The following PCNX3 variants were observed in gnomAD, a reference collection of about 807,000 sequenced individuals.
PCNX3 encodes the protein pecanex 3.
In PCNX3, 58 loss-of-function variants were observed where a neutral mutation model predicts 207.2. The observed-to-expected ratio is 0.28, with a 90% CI of 0.23 to 0.35. PCNX3 has a LOEUF of 0.35. Ranked by LOEUF, PCNX3 falls within the 10% of genes least tolerant of loss-of-function variation. The probability of loss-of-function intolerance (pLI) is 1.00; values close to 1 mark genes in which losing one functional copy is unlikely to be tolerated. For synonymous variants in PCNX3, 1,337 were observed against 1,183.5 expected (o/e 1.13, Z -2.66); for missense variants, 2,410 against 2,774.4 (o/e 0.87, Z 2.95).
Position 65,617,173 on chromosome 11 carries a change from G to A in PCNX3, c.342-77G>A. ...TTGTAAAGTGACTTCTGAAAAAGAA[G>A]CAGTGACAAAGATGGGAGGAAGTAG... On this transcript the variant is annotated intron_variant, in intron 2 of 34. Transcript: ENST00000355703. 2.8e-6 allele frequency: 4 copies of A among 1,442,936 alleles called. No individual in the cohort carries two copies. The South Asian group carries it at 3.7e-5, about 13-fold the overall frequency. 89.4% of individuals were successfully genotyped at this position (1,442,936 alleles called of 1,614,324 possible).
rs1199317650 is a variant in PCNX3, at chr11:65,615,992, C to T, written c.-320C>T. On this transcript the variant is annotated 5_prime_UTR_variant, in exon 1 of 35. Coordinates refer to ENST00000355703, the MANE Select transcript of PCNX3 (RefSeq NM_032223.4). The stretch of plus-strand genomic sequence containing the variant: ...CCCCACGACCACCTCTGGATGCCGC[C>T]GACGGGTACCCGGCCCGTGCCCCGC... 1 of 198,258 alleles carries T rather than the reference C, an allele frequency of 5.0e-6. No homozygotes were observed. Among genetic ancestry groups the T allele is most frequent in the African/African-American group, 2.3e-5 (1 of 42,896 alleles). 12.3% of individuals were successfully genotyped at this position (198,258 alleles called of 1,614,324 possible). A position where few individuals can be genotyped will look rare whatever the true frequency, so the allele number is the denominator to read the frequency against.
Position 65,625,623 on chromosome 11 carries a change from G to A in PCNX3, c.3136-29G>A. ...GCAGCTGAGTGTCTCTCCTGGCCGG[G>A]CAGCTGAATGTCTCTCCTGGCCCTG... On this transcript the variant is annotated intron_variant, in intron 18 of 34. Coordinates refer to ENST00000355703, the MANE Select transcript of PCNX3 (RefSeq NM_032223.4). The surrounding 1 kb of genome is among the most constrained non-coding windows in gnomAD (Gnocchi z 5.6). 2 of 1,602,690 alleles carry A rather than the reference G, an allele frequency of 1.2e-6. No homozygotes were observed. The highest frequency in any genetic ancestry group is 1.7e-6 in the Non-Finnish European group (2 of 1,172,542).
intron 8 of PCNX3, 49 bp from the exon 9 acceptor site, chr11:65,620,290 G>C (rs764068098): frequency 8.3e-6 from 13 of 1,560,492 alleles, no homozygotes; most frequent in Non-Finnish European, 1.1e-5. Context: ...GCCGGGCCTT[G>C]GTGCTTCTGT....
In PCNX3 at chr11:65,623,575, C is replaced by G; in HGVS notation, c.2442C>G (p.Gly814=). 6.2e-7 allele frequency: 1 copy of G among 1,613,986 alleles called. No homozygotes were observed. Among genetic ancestry groups the G allele is most frequent in the Non-Finnish European group, 8.5e-7 (1 of 1,179,858 alleles). ...TGGGCTACCTGCTGCTGCTCAAGGG[C>G]TTCTTCACTGACATCTGGGTCTTCC... is the stretch of plus-strand genomic sequence containing the variant. The part of the protein sequence containing the change: ...AFLGYLLLLK[G]FFTDIWVFQF... The change falls in exon 12 of 35, where the codon GGC becomes GGG. Residue 814 remains glycine, a synonymous_variant. Transcript: ENST00000355703.
Position 65,636,446 on chromosome 11 carries a change from G to C in PCNX3, c.5649G>C (p.Leu1883=). Residue 1883 remains leucine, a synonymous_variant, in exon 34 of 35, where the codon CTG becomes CTC. Transcript: ENST00000355703. ...CTGGCTGGGGGCCGCGGTCCTCCCT[G>C]AGTGGCTCTGGTGATGGGCGGCCCC... ...PGPGWGPRSS[L]SGSGDGRPPP... is the part of the protein sequence containing the mutation. The C allele has an allele frequency of 1.3e-6, 2 of 1,558,212 alleles. No individual in the cohort carries two copies. The highest frequency in any genetic ancestry group is 1.7e-6 in the Non-Finnish European group (2 of 1,153,906).
chr11:65,626,009 C>G lies in PCNX3; in HGVS notation c.3334C>G (p.Gln1112Glu), dbSNP rs1855367431. The G allele has an allele frequency of 6.2e-7, 1 of 1,613,160 alleles. No homozygotes were observed. Among genetic ancestry groups the G allele is most frequent in the Non-Finnish European group, 8.5e-7 (1 of 1,179,656 alleles). ...RKQLPWFCLSQPVLKPLEYSQ... is the reference protein window; with the variant it reads ...RKQLPWFCLSEPVLKPLEYSQ... Reference sequence around the variant, plus strand: ...ACAGCTGCCCTGGTTCTGCCTGTCACAGCCCGTGCTGAAGCCGCTGGAGTA... The same window carrying G: ...ACAGCTGCCCTGGTTCTGCCTGTCAGAGCCCGTGCTGAAGCCGCTGGAGTA... Residue 1112 changes from glutamine (Q) to glutamate (E), a missense_variant, in exon 20 of 35, where the codon CAG (glutamine) becomes GAG (glutamate). By Grantham distance (29) the Gln-to-Glu change is conservative (BLOSUM62 2). This residue lies in a region of PCNX3 where 333 missense variants were observed against 386.8 expected (regional missense o/e 0.86). Transcript: ENST00000355703.
Position 65,618,841 on chromosome 11 carries a change from T to C in PCNX3, c.1479T>C (p.Ser493=). 1 of 1,611,252 alleles carries C rather than the reference T, an allele frequency of 6.2e-7. No individual in the cohort carries two copies. Among genetic ancestry groups the C allele is most frequent in the Non-Finnish European group, 8.5e-7 (1 of 1,179,262 alleles). The change falls in exon 6 of 35, where the codon AGT becomes AGC. Residue 493 remains serine (S), a synonymous_variant. Transcript: ENST00000355703. The part of the protein sequence containing the change: ...KRPYGTQRTP[S]TASAKTHARV... ...CATATGGGACCCAGCGGACGCCTAG[T>C]ACCGCCAGCGCTAAAACACATGCCC...
chr11:65,617,101 T>G, intron 2 of PCNX3, 90 bp downstream of exon 2: 2 of 1,428,200 alleles, frequency 1.4e-6, no homozygotes, highest in Non-Finnish European at 1.9e-6. Context: ...TAGGGAACAT[T>G]GGCTCTCTGA....
rs1380407058 is a variant in PCNX3, at chr11:65,635,483, C to T, written c.5184+35C>T. The T allele has an allele frequency of 6.8e-6, 11 of 1,606,808 alleles. No homozygotes were observed. The East Asian group carries it at 1.1e-4, about 16-fold the overall frequency. The stretch of plus-strand genomic sequence containing the variant: ...GCCCCACCTGCCCTAAGCCCTGCCC[C>T]AAACCCCCTTGGGCCGGCCCCCTGA... On this transcript the variant is annotated intron_variant, in intron 31 of 34. Transcript: ENST00000355703. This position sits in a 1 kb window ranked among gnomAD's most constrained non-coding sequence, Gnocchi z 9.9.
At chr11:65,629,066 G>C (rs1162157691) in intron 24 of PCNX3, 118 bp downstream of exon 24, 3 of 1,424,500 alleles carry the variant, frequency 2.1e-6, no homozygotes, top group South Asian at 2.7e-5. Flanking sequence ...CTTGGTCACA[G>C]TGGGGACACA....
Position 65,636,831 on chromosome 11 carries a change from A to G in PCNX3, c.5958A>G (p.Ser1986=), listed in dbSNP as rs994123076. The G allele has an allele frequency of 2.6e-6, 4 of 1,542,914 alleles. No homozygotes were observed. The highest frequency in any genetic ancestry group is 2.9e-5 in the African/African-American group (2 of 69,198). The change falls in exon 35 of 35, where the codon TCA becomes TCG. Residue 1986 remains serine, a synonymous_variant. Coordinates refer to ENST00000355703, the MANE Select transcript of PCNX3 (RefSeq NM_032223.4). ...SLSPDVSTEA[S]PPRASQDIPC... Reference sequence around the variant, plus strand: ...GCCCCGATGTCAGCACTGAGGCCTCACCCCCCAGAGCTTCCCAGGACATTC... The same window carrying G: ...GCCCCGATGTCAGCACTGAGGCCTCGCCCCCCAGAGCTTCCCAGGACATTC...
intron 33 of PCNX3, 37 bp from the exon 34 acceptor site, chr11:65,636,354 C>T: frequency 6.3e-7 from 1 of 1,596,602 alleles, no homozygotes; most frequent in African/African-American, 1.3e-5. Context: ...GAGTGCAGCC[C>T]AGCTGAGGCC....
chr11:65,622,485 G>A (rs764263229), intron 11 of PCNX3, 119 bp downstream of exon 11: 650 of 1,309,068 alleles, frequency 5.0e-4, no homozygotes, highest in Non-Finnish European at 6.3e-4. Flanking sequence ...GGGAAGCTGA[G>A]GGCCTGTCGT....
rs1854825642 is a variant in PCNX3 at position 65,617,783 on chromosome 11, C to T, written c.577+77C>T. 1.7e-5 allele frequency: 26 copies of T among 1,510,370 alleles called. No individual in the cohort carries two copies. The South Asian group carries it at 3.2e-4, about 18-fold the overall frequency. The allele number at this position is 1,510,370 out of a possible 1,614,324, so 93.6% of individuals were successfully genotyped here. A position where few individuals can be genotyped will look rare whatever the true frequency, so the allele number is the denominator to read the frequency against. On this transcript the variant is annotated intron_variant, in intron 5 of 34. Transcript: ENST00000355703. ...TGTTGAATCCCCTCAACTTTGGCTCCATCCTGGGTCTCCTCTGTATTCCTC... is the reference window on the plus strand; with the variant it reads ...TGTTGAATCCCCTCAACTTTGGCTCTATCCTGGGTCTCCTCTGTATTCCTC...
chr11:65,623,966 G>A lies in PCNX3; in HGVS notation c.2544+5G>A, dbSNP rs1242888614. 1 of 1,611,500 alleles carries A rather than the reference G, an allele frequency of 6.2e-7. No homozygotes were observed. Among genetic ancestry groups the A allele is most frequent in the Non-Finnish European group, 8.5e-7 (1 of 1,179,878 alleles). On this transcript the variant is annotated splice_donor_5th_base_variant and intron_variant, in intron 13 of 34. Coordinates refer to ENST00000355703, the MANE Select transcript of PCNX3 (RefSeq NM_032223.4). Reference sequence around the variant, plus strand: ...GATGCGGCGTCCCCCATGCACGTGAGTACCCATGGAGCAGCGCCTCTGGCC... The same window carrying A: ...GATGCGGCGTCCCCCATGCACGTGAATACCCATGGAGCAGCGCCTCTGGCC...
rs1162915600 is a variant in PCNX3 at position 65,629,644 on chromosome 11, C to T, written c.4125C>T (p.Val1375=). The change falls in exon 26 of 35, where the codon GTC becomes GTT. Residue 1375 remains valine, a synonymous_variant. Transcript: ENST00000355703. ...ACTATGGCCCTGGTGACTGCTTCGT[C>T]CTGGCCTCTGACTACCTCAACGCCC... ...WGNYGPGDCF[V]LASDYLNALV... 3.1e-6 allele frequency: 5 copies of T among 1,599,154 alleles called. No homozygotes were observed. The highest frequency in any genetic ancestry group is 3.4e-6 in the Non-Finnish European group (4 of 1,172,906).
intron 9 of PCNX3, 142 bp downstream of exon 9, chr11:65,620,571 C>T (rs1437445075): frequency 9.7e-7 from 1 of 1,029,600 alleles, no homozygotes; most frequent in African/African-American, 1.6e-5. Flanking sequence ...TGGGGAGCAG[C>T]AAAGGACAGA....
intron 8 of PCNX3, 63 bp from the exon 9 acceptor site, chr11:65,620,276 G>C: frequency 6.7e-7 from 1 of 1,500,954 alleles, no homozygotes; most frequent in East Asian, 2.3e-5. Context: ...TGGTGCCCAC[G>C]TGAGCCGGGC....
At chr11:65,627,343 G>A (rs1855444319) in intron 21 of PCNX3, 62 bp from the exon 22 acceptor site, 1 of 1,533,000 alleles carries the variant, frequency 6.5e-7, no homozygotes, top group Non-Finnish European at 8.8e-7. Flanking sequence ...CGAGGGATGG[G>A]ACACCTATAC....
Sources: allele counts gnomAD v4.1 joint callset, GRCh38; gene constraint gnomAD v4.1.1; regional missense constraint gnomAD v4.1.1; non-coding constraint Gnocchi (gnomAD v3.1); transcripts MANE v1.5; gene names NCBI Gene and HGNC (gene_info 2026-07-23, HGNC 2026-07-21).